The following CDH18 variants were observed in gnomAD, a reference collection of about 807,000 sequenced individuals.
The protein encoded by CDH18 is cadherin-18.
CDH18 carries 31 observed loss-of-function variants against 67.9 expected under a neutral mutation model. The ratio of observed to expected loss-of-function variants is 0.46; its 90% CI spans 0.34 to 0.62. The LOEUF (loss-of-function observed/expected upper bound fraction) is 0.62. Ranked by LOEUF, CDH18 falls within the 20% of genes least tolerant of loss-of-function variation. CDH18 has a pLI of 0.01. For synonymous variants in CDH18, 362 were observed against 347.2 expected, an observed-to-expected ratio of 1.04 and a Z score of -0.48; for missense variants, 890 against 975.5, an observed-to-expected ratio of 0.91 and a Z score of 1.17.
intron 2 of CDH18, among the ~76,000 whole-genome samples, chr5:20,037,739 C>A (rs1027134571): frequency 7.2e-5 from 11 of 152,030 alleles, no homozygotes; most frequent in African/African-American, 2.7e-4. Flanking sequence ...CAAATGCCAA[C>A]AGGAGAAAGT....
intron 3 of CDH18, among the ~76,000 whole-genome samples, chr5:19,764,701 G>T (rs1456102948): frequency 6.6e-6 from 1 of 151,562 alleles, no homozygotes. Context: ...ATATATGTGT[G>T]TGTGTATATA....
rs59276117 is a variant in CDH18, at chr5:20,301,789, CTTTTTTT to C, written c.-579-46291_-579-46285del. Among the ~76,000 whole-genome samples the C allele has an allele frequency of 4.4e-3, 568 of 128,126 alleles. 5 individuals are homozygous for C. The highest frequency in any genetic ancestry group is 0.015 in the African/African-American group (534 of 35,610). 84.1% of individuals were successfully genotyped at this position (128,126 alleles called of 152,430 possible). A position where few individuals can be genotyped will look rare whatever the true frequency, so the allele number is the denominator to read the frequency against. ...AAAGGTAGTTTGCTCTTTCTTTTTT[CTTTTTTT>C]TTTTTTTTTTTGGCATGCAGCACAT... is the stretch of plus-strand genomic sequence containing the variant. On this transcript the variant is annotated intron_variant, in intron 1 of 14. Coordinates refer to the CDH18 transcript ENST00000507958.
In CDH18 at chr5:19,646,065, C is replaced by A. The variant is rs186342586; in HGVS notation, c.644-33464G>T. Among the ~76,000 whole-genome samples the A allele has an allele frequency of 2.0e-5, 3 of 152,078 alleles. No individual in the cohort carries two copies. The East Asian group carries it at 5.8e-4, about 30-fold the overall frequency. ...GAGGCCATCATGTCTCTACCTAAGA[C>A]AGCAGAAATAGAGGTGAAAATAAAG... On this transcript the variant is annotated intron_variant, in intron 5 of 12. Coordinates refer to ENST00000382275, the MANE Select transcript of CDH18 (RefSeq NM_004934.5).
At chr5:20,514,954 C>T (rs1166446735) in intron 1 of CDH18, among the ~76,000 whole-genome samples, 2 of 151,800 alleles carry the variant, frequency 1.3e-5, no homozygotes, top group African/African-American at 4.8e-5. Flanking sequence ...CCTAAACAAT[C>T]TTCATAGATA....
intron 1 of CDH18, among the ~76,000 whole-genome samples, chr5:19,983,157 T>C (rs936699554): frequency 7.9e-5 from 12 of 152,096 alleles, no homozygotes; most frequent in Non-Finnish European, 1.2e-4. Flanking sequence ...TATATCACAC[T>C]GGTAACTGTG....
At chr5:19,538,601 C>A (rs897981499) in intron 9 of CDH18, among the ~76,000 whole-genome samples, 25 of 151,976 alleles carry the variant, frequency 1.6e-4, no homozygotes, top group Non-Finnish European at 3.7e-4. Flanking sequence ...GCTAAAATAA[C>A]CTGACCAATG....
chr5:20,483,105 G>A (rs2126322769), intron 1 of CDH18, among the ~76,000 whole-genome samples: 1 of 152,072 alleles, frequency 6.6e-6, no homozygotes, highest in South Asian at 2.1e-4. Flanking sequence ...AAAACCAATA[G>A]TGTTTCTATG....
chr5:20,314,394 C>T (rs1183497945), intron 1 of CDH18, among the ~76,000 whole-genome samples: 3 of 152,058 alleles, frequency 2.0e-5, no homozygotes, highest in East Asian at 3.8e-4. Context: ...CATTTCCTTT[C>T]ACCATATACA....
At chr5:19,933,438 T>C (rs1355355945) in intron 2 of CDH18, among the ~76,000 whole-genome samples, 1 of 151,564 alleles carries the variant, frequency 6.6e-6, no homozygotes, top group Non-Finnish European at 1.5e-5. Context: ...TTTCTTTACA[T>C]ATTTTTACCA....
intron 3 of CDH18, among the ~76,000 whole-genome samples, chr5:19,808,299 TAAAAC>T (rs564729967): frequency 7.0e-5 from 9 of 128,308 alleles, no homozygotes; most frequent in Non-Finnish European, 1.4e-4. Context: ...AAAGAAAAAA[TAAAAC>T]AAAACAACAA....
chr5:19,943,582 A>G (rs976170811), intron 2 of CDH18, among the ~76,000 whole-genome samples: 1 of 152,150 alleles, frequency 6.6e-6, no homozygotes, highest in Non-Finnish European at 1.5e-5. Context: ...TTTACAGAAA[A>G]TAAAAACAAA....
At chr5:20,321,394 C>G (rs1428480305) in intron 1 of CDH18, among the ~76,000 whole-genome samples, 2 of 152,058 alleles carry the variant, frequency 1.3e-5, no homozygotes, top group Non-Finnish European at 2.9e-5. Flanking sequence ...GAATTAGTAT[C>G]TATTGTTCTC....
chr5:19,490,394 G>GTTT (rs70950073), intron 11 of CDH18, among the ~76,000 whole-genome samples: 1,987 of 60,192 alleles, frequency 0.033, 385 homozygotes, highest in Non-Finnish European at 0.048. Flanking sequence ...ATAAAAATCT[G>GTTT]TTTTTTTTTT....
intron 6 of CDH18, among the ~76,000 whole-genome samples, chr5:19,600,449 C>G (rs1746942575): frequency 6.6e-6 from 1 of 150,820 alleles, no homozygotes. Context: ...GCCAGCTGTT[C>G]TCTATAACAC....
At chr5:19,795,733 G>GA (rs545039729) in intron 3 of CDH18, among the ~76,000 whole-genome samples, 7 of 151,396 alleles carry the variant, frequency 4.6e-5, no homozygotes, top group South Asian at 4.2e-4. Context: ...TAACTTAAAT[G>GA]AAAAAAAATA....
intron 2 of CDH18, among the ~76,000 whole-genome samples, chr5:20,229,344 G>T (rs1303424795): frequency 2.6e-5 from 4 of 151,972 alleles, no homozygotes; most frequent in African/African-American, 9.7e-5. Flanking sequence ...CCAATTTAAT[G>T]TTTTGTTCCA....
In CDH18 at chr5:19,502,660, T is replaced by A. The variant is rs1446173999; in HGVS notation, c.1630+332A>T. Reference sequence around the variant, plus strand: ...GTCTCTAGGATATATTTTTCATTTTTTCCTAATTTGAATATTTTCTACCTC... The same window carrying A: ...GTCTCTAGGATATATTTTTCATTTTATCCTAATTTGAATATTTTCTACCTC... On this transcript the variant is annotated intron_variant, in intron 11 of 12. Transcript: ENST00000382275. 9.4e-5 allele frequency: 43 copies of A among 459,224 alleles called. No individual in the cohort carries two copies. The East Asian group carries it at 1.4e-3, about 15-fold the overall frequency. 28.4% of individuals were successfully genotyped at this position (459,224 alleles called of 1,614,324 possible).
chr5:20,504,760 A>ATTTTTTTTTTTTTTTTTTTTTTTTT (rs70954666), intron 1 of CDH18, among the ~76,000 whole-genome samples: 1 of 67,992 alleles, frequency 1.5e-5, no homozygotes, highest in Non-Finnish European at 2.9e-5. Flanking sequence ...ACAAAAGGGA[A>ATTTTTTTTTTTTTTTTTTTTTTTTT]TTTTTTTTTT....
At chr5:20,138,562 C>G (rs1749949118) in intron 2 of CDH18, among the ~76,000 whole-genome samples, 1 of 152,158 alleles carries the variant, frequency 6.6e-6, no homozygotes, top group Non-Finnish European at 1.5e-5. Context: ...ATTTAGAAAA[C>G]TCCATCATCT....
Sources: gnomAD v4.1 joint callset for allele counts (sites outside exome capture counted in the v4.1 genomes callset) on GRCh38, gnomAD v4.1.1 for gene constraint, MANE v1.5 for transcripts, NCBI Gene and HGNC (gene_info 2026-07-23, HGNC 2026-07-21) for gene names.